Variants in CPSF2 observed in about 807,000 individuals in gnomAD.
The protein encoded by CPSF2 is cleavage and polyadenylation specific factor 2.
Under a neutral mutation model 84.2 loss-of-function variants are expected in CPSF2, and 51 were observed. That is an observed-to-expected ratio of 0.61 (90% CI 0.48 to 0.77). The LOEUF (loss-of-function observed/expected upper bound fraction) is 0.77. CPSF2 is among the 30% of genes least tolerant of loss of function. The pLI is 0.00. For synonymous variants in CPSF2, 286 were observed against 311.9 expected (o/e 0.92, Z 0.87); for missense variants, 641 against 929.4 (o/e 0.69, Z 4.03).
chr14:92,147,241 T>A (rs1386998046), intron 9 of CPSF2, among the ~76,000 whole-genome samples: 2 of 152,180 alleles, frequency 1.3e-5, no homozygotes, highest in Non-Finnish European at 2.9e-5. Flanking sequence ...TAAACTAGAT[T>A]TCTGATTATG....
rs112583581 is a variant in CPSF2, at chr14:92,143,060, G to A, written c.906G>A (p.Pro302=). 115 of 1,613,826 alleles carry A rather than the reference G, an allele frequency of 7.1e-5. 5 individuals carry two copies. Among genetic ancestry groups the A allele is most frequent in the African/African-American group, 6.5e-4 (49 of 75,006 alleles). ...GTTTTGAAGACAAAAGAAATAATCCGTTTCAGTTTCGCCATCTCTCTTTAT... is the reference window on the plus strand; with the variant it reads ...GTTTTGAAGACAAAAGAAATAATCCATTTCAGTTTCGCCATCTCTCTTTAT... ...MRCFEDKRNN[P]FQFRHLSLCH... is the part of the protein sequence containing the mutation. Residue 302 remains proline, a synonymous_variant, in exon 9 of 16, where the codon CCG becomes CCA. Coordinates refer to ENST00000298875, the MANE Select transcript of CPSF2 (RefSeq NM_017437.3).
At chr14:92,140,344 A>G (rs2069059856) in intron 7 of CPSF2, among the ~76,000 whole-genome samples, 1 of 152,010 alleles carries the variant, frequency 6.6e-6, no homozygotes, top group Non-Finnish European at 1.5e-5. Flanking sequence ...ATTGTGGTCA[A>G]TGGTCAACAC....
chr14:92,136,958 G>A (rs1027695486), intron 6 of CPSF2, among the ~76,000 whole-genome samples: 41 of 151,696 alleles, frequency 2.7e-4, no homozygotes, highest in African/African-American at 8.7e-4. Context: ...AATGAACCAA[G>A]TTACAAAGTA....
chr14:92,138,804 C>T (rs1231500569), intron 7 of CPSF2, among the ~76,000 whole-genome samples: 7 of 152,098 alleles, frequency 4.6e-5, no homozygotes, highest in Non-Finnish European at 1.0e-4. Flanking sequence ...TCTCCAGAAT[C>T]GTGAATGTTG....
In CPSF2 at chr14:92,161,127, T is replaced by A; in HGVS notation, c.2137T>A (p.Ser713Thr). The change falls in exon 15 of 16, where the codon TCA becomes ACA. Residue 713 changes from serine to threonine, a missense_variant. This residue lies in a region of CPSF2 where 430 missense variants were observed against 553.6 expected (regional missense o/e 0.78). Coordinates refer to ENST00000298875, the MANE Select transcript of CPSF2 (RefSeq NM_017437.3). ...LPPHEVPGHQ[S>T]VFMNEPRLSD... Reference sequence around the variant, plus strand: ...CTTATCTAAGGTTCCTGGACATCAGTCAGTTTTTATGAATGAACCAAGGCT... The same window carrying A: ...CTTATCTAAGGTTCCTGGACATCAGACAGTTTTTATGAATGAACCAAGGCT... The A allele has an allele frequency of 1.9e-6, 3 of 1,613,612 alleles. No individual in the cohort carries two copies. The highest frequency in any genetic ancestry group is 2.5e-6 in the Non-Finnish European group (3 of 1,179,820).
intron 9 of CPSF2, chr14:92,154,090 C>T (rs1399870626): frequency 5.3e-5 from 13 of 243,068 alleles, no homozygotes; most frequent in Non-Finnish European, 2.4e-5. Flanking sequence ...TCCCACAGTG[C>T]TAGGATTATA....
In CPSF2 at chr14:92,167,015, T is replaced by TTTTC. The variant is rs1449901744; in HGVS notation, c.*5274_*5275insCTTT. On this transcript the variant is annotated 3_prime_UTR_variant, in exon 16 of 16. Transcript: ENST00000298875. ...TCTGCTTATCGATTTCTTTTTTTTC[T>TTTTC]TTTTTTTTTTTTTTGAGATAGCATC... 7 of 36,392 alleles carry TTTTC rather than the reference T, an allele frequency of 1.9e-4. No homozygotes were observed. The highest frequency in any genetic ancestry group is 0.2 in the East Asian group (2 of 10). 2.3% of individuals were successfully genotyped at this position (36,392 alleles called of 1,614,324 possible).
intron 9 of CPSF2, among the ~76,000 whole-genome samples, chr14:92,145,919 T>C (rs1048096565): frequency 6.6e-6 from 1 of 152,200 alleles, no homozygotes; most frequent in African/African-American, 2.4e-5. Context: ...TTATCCCTCC[T>C]ATCTTCATTA....
chr14:92,159,235 G>A lies in CPSF2; in HGVS notation c.2074G>A (p.Glu692Lys), dbSNP rs763635929. 1 of 1,612,488 alleles carries A rather than the reference G, an allele frequency of 6.2e-7. No homozygotes were observed. Among genetic ancestry groups the A allele is most frequent in the Non-Finnish European group, 8.5e-7 (1 of 1,179,114 alleles). ...LFGDDEKETG[E>K]ESEIIPTLEP... ...CGGAGATGATGAAAAAGAAACAGGT[G>A]AAGAAAGTGAGATCATTCCTACTTT... is the stretch of plus-strand genomic sequence containing the variant. Residue 692 changes from glutamate (E) to lysine (K), a missense_variant, in exon 14 of 16, where the codon GAA (glutamate) becomes AAA (lysine). Coordinates refer to ENST00000298875, the MANE Select transcript of CPSF2 (RefSeq NM_017437.3).
intron 9 of CPSF2, among the ~76,000 whole-genome samples, chr14:92,151,612 G>C (rs567801680): frequency 6.6e-6 from 1 of 152,110 alleles, no homozygotes; most frequent in South Asian, 2.1e-4. Flanking sequence ...CTATACATGC[G>C]TATAAGCCTG....
At chr14:92,137,083 T>C (rs1364717667) in intron 6 of CPSF2, among the ~76,000 whole-genome samples, 1 of 151,742 alleles carries the variant, frequency 6.6e-6, no homozygotes, top group Non-Finnish European at 1.5e-5. Flanking sequence ...ACAACATATA[T>C]ATAAGATCAA....
intron 6 of CPSF2, among the ~76,000 whole-genome samples, chr14:92,135,881 T>C (rs913480624): frequency 6.6e-6 from 1 of 152,222 alleles, no homozygotes; most frequent in African/African-American, 2.4e-5. Flanking sequence ...CCAAATCTCA[T>C]CTTATAGCTC....
intron 15 of CPSF2, 142 bp downstream of exon 15, chr14:92,161,388 C>T: frequency 1.1e-6 from 1 of 950,460 alleles, no homozygotes; most frequent in Non-Finnish European, 1.5e-6. Flanking sequence ...CAAAGGCTTA[C>T]AGAAGTCTTA....
rs1432762116 is a variant in CPSF2, at chr14:92,134,084, G to A, written c.223G>A (p.Val75Ile). 3 of 1,614,042 alleles carry A rather than the reference G, an allele frequency of 1.9e-6. No individual in the cohort carries two copies. The highest frequency in any genetic ancestry group is 2.5e-6 in the Non-Finnish European group (3 of 1,180,028). Reference protein sequence around the residue: ...PLHLGALPYAVGKLGLNCAIY... With the variant: ...PLHLGALPYAIGKLGLNCAIY... ...CCACCTTGGTGCCCTCCCGTATGCT[G>A]TCGGAAAGTTGGGTCTGAACTGTGC... The change falls in exon 4 of 16, where the codon GTC becomes ATC. Residue 75 changes from valine (V) to isoleucine (I), a missense_variant. By Grantham distance (29) the Val-to-Ile change is conservative (BLOSUM62 3). Transcript: ENST00000298875.
chr14:92,140,733 C>T (rs1056756443), intron 7 of CPSF2, among the ~76,000 whole-genome samples: 1 of 151,768 alleles, frequency 6.6e-6, no homozygotes, highest in Non-Finnish European at 1.5e-5. Flanking sequence ...TGCCTGGCCG[C>T]AATCCCCATC....
At chr14:92,147,610 G>A (rs1275675917) in intron 9 of CPSF2, among the ~76,000 whole-genome samples, 2 of 152,006 alleles carry the variant, frequency 1.3e-5, no homozygotes, top group Non-Finnish European at 2.9e-5. Flanking sequence ...TATGTAGGTT[G>A]CTAACTGTTT....
chr14:92,145,641 A>G (rs540012584), intron 9 of CPSF2, among the ~76,000 whole-genome samples: 1 of 152,244 alleles, frequency 6.6e-6, no homozygotes, highest in Non-Finnish European at 1.5e-5. Context: ...ACTAAGAAAT[A>G]CTTGAAACAA....
chr14:92,152,425 G>A (rs1375022431), intron 9 of CPSF2, among the ~76,000 whole-genome samples: 3 of 147,142 alleles, frequency 2.0e-5, no homozygotes, highest in Admixed American at 6.8e-5. Flanking sequence ...CGTCGCGCCC[G>A]GCCTATTATT....
At chr14:92,136,592 C>G (rs1349169642) in intron 6 of CPSF2, among the ~76,000 whole-genome samples, 2 of 152,220 alleles carry the variant, frequency 1.3e-5, no homozygotes, top group African/African-American at 4.8e-5. Flanking sequence ...CCTGCTCTTT[C>G]TACCCAATAA....
Sources: allele counts gnomAD v4.1 joint callset (sites outside exome capture counted in the v4.1 genomes callset), GRCh38; gene constraint gnomAD v4.1.1; regional missense constraint gnomAD v4.1.1; transcripts MANE v1.5; gene names NCBI Gene and HGNC (gene_info 2026-07-23, HGNC 2026-07-21).